Variants in CDH13 observed in about 807,000 individuals in gnomAD.
CDH13 encodes cadherin 13, also known as cadherin-13.
Under a neutral mutation model 63.8 loss-of-function variants are expected in CDH13, and 24 were observed. That is an observed-to-expected ratio of 0.38 (90% CI 0.27 to 0.53). CDH13 has a LOEUF of 0.53. CDH13 is among the 20% of genes least tolerant of loss of function. The pLI is 0.85. For synonymous variants in CDH13, 503 were observed against 355.3 expected (o/e 1.42, Z -4.67); for missense variants, 1,049 against 903.1 (o/e 1.16, Z -2.07).
At chr16:82,908,553 A>G (rs1226789452) in intron 2 of CDH13, among the ~76,000 whole-genome samples, 3 of 152,180 alleles carry the variant, frequency 2.0e-5, no homozygotes, top group Non-Finnish European at 4.4e-5. Flanking sequence ...ATACGAGTAC[A>G]TTCTCATTTT....
intron 4 of CDH13, among the ~76,000 whole-genome samples, chr16:83,216,424 A>T (rs74200780): frequency 1.1e-5 from 1 of 92,620 alleles, no homozygotes; most frequent in Non-Finnish European, 2.2e-5. Flanking sequence ...ATATATATAT[A>T]TATATATATA....
At chr16:82,683,068 T>G (rs147205870) in intron 1 of CDH13, among the ~76,000 whole-genome samples, 10 of 152,182 alleles carry the variant, frequency 6.6e-5, no homozygotes, top group Non-Finnish European at 1.3e-4. Context: ...AGCTTAGTGT[T>G]CTCAGCTTAA....
chr16:82,744,013 G>A (rs2034050727), intron 1 of CDH13, among the ~76,000 whole-genome samples: 1 of 152,140 alleles, frequency 6.6e-6, no homozygotes, highest in Non-Finnish European at 1.5e-5. Context: ...AGATGGATAA[G>A]GGATCCCATT....
At chr16:83,569,861 C>G (rs768157159) in intron 7 of CDH13, among the ~76,000 whole-genome samples, 1 of 152,096 alleles carries the variant, frequency 6.6e-6, no homozygotes, top group Non-Finnish European at 1.5e-5. Flanking sequence ...CTCAGCCTTC[C>G]GAGTAGCTGG....
intron 4 of CDH13, among the ~76,000 whole-genome samples, chr16:83,182,237 T>C (rs145212594): frequency 3.3e-4 from 50 of 152,274 alleles, no homozygotes; most frequent in African/African-American, 1.2e-3. Context: ...ATTGTCTCTT[T>C]CTCCTCATCT....
intron 2 of CDH13, among the ~76,000 whole-genome samples, chr16:82,867,582 C>T (rs1017857668): frequency 2.6e-5 from 4 of 152,128 alleles, no homozygotes; most frequent in Non-Finnish European, 5.9e-5. Context: ...GCCAGGTCCT[C>T]CATGGAGTGT....
intron 7 of CDH13, among the ~76,000 whole-genome samples, chr16:83,538,265 T>G (rs1190642241): frequency 6.6e-6 from 1 of 152,224 alleles, no homozygotes; most frequent in Non-Finnish European, 1.5e-5. Flanking sequence ...TGGGTATGTT[T>G]AGGTTATTTC....
chr16:83,127,649 C>T (rs1488427588), intron 4 of CDH13, among the ~76,000 whole-genome samples: 1 of 152,166 alleles, frequency 6.6e-6, no homozygotes, highest in Non-Finnish European at 1.5e-5. Context: ...ACCACTTGAA[C>T]CCAGGAGGTG....
Position 83,186,669 on chromosome 16 carries a change from G to T in CDH13, c.484-30676G>T, listed in dbSNP as rs1430914328. Among the ~76,000 whole-genome samples the T allele has an allele frequency of 2.6e-5, 4 of 152,264 alleles. No individual in the cohort carries two copies. In the South Asian group the frequency reaches 8.3e-4, roughly 32 times the overall value. On this transcript the variant is annotated intron_variant, in intron 4 of 13. Transcript: ENST00000567109. Reference sequence around the variant, plus strand: ...CAGGGTTGAGAACCACTGGGTTAAGGAGTTACAAAAAGTTAAATTTCTCAG... The same window carrying T: ...CAGGGTTGAGAACCACTGGGTTAAGTAGTTACAAAAAGTTAAATTTCTCAG...
chr16:83,122,589 C>T (rs1046354666), intron 3 of CDH13, among the ~76,000 whole-genome samples: 5 of 152,276 alleles, frequency 3.3e-5, no homozygotes, highest in East Asian at 1.9e-4. Flanking sequence ...TAATGCCTGA[C>T]ATAGTTTGGG....
intron 7 of CDH13, among the ~76,000 whole-genome samples, chr16:83,492,533 A>C (rs2074038440): frequency 6.6e-6 from 1 of 152,178 alleles, no homozygotes; most frequent in Admixed American, 6.5e-5. Context: ...ATTGAGATGG[A>C]AAAAGTAGAT....
chr16:83,458,248 G>A (rs2073077136), intron 6 of CDH13, among the ~76,000 whole-genome samples: 1 of 152,154 alleles, frequency 6.6e-6, no homozygotes, highest in African/African-American at 2.4e-5. Context: ...GGTTCTTTGG[G>A]CTGTTCCTTT....
chr16:83,084,700 C>T (rs1193447202), intron 3 of CDH13, among the ~76,000 whole-genome samples: 1 of 151,988 alleles, frequency 6.6e-6, no homozygotes, highest in African/African-American at 2.4e-5. Context: ...ACCGGCCTGG[C>T]CAACATGGTG....
intron 6 of CDH13, among the ~76,000 whole-genome samples, chr16:83,476,644 G>A (rs2073613076): frequency 6.6e-6 from 1 of 152,104 alleles, no homozygotes; most frequent in Non-Finnish European, 1.5e-5. Flanking sequence ...CTGCACTCCA[G>A]CCTGCACTCC....
chr16:83,386,128 G>A (rs548935797), intron 6 of CDH13, among the ~76,000 whole-genome samples: 13 of 152,290 alleles, frequency 8.5e-5, no homozygotes, highest in East Asian at 3.9e-4. Flanking sequence ...GAAACATGTC[G>A]CTGTTGAGGA....
At chr16:83,285,672 C>G (rs1455268525) in intron 5 of CDH13, among the ~76,000 whole-genome samples, 1 of 152,112 alleles carries the variant, frequency 6.6e-6, no homozygotes, top group South Asian at 2.1e-4. Context: ...CATGCCGATA[C>G]TTTGCCGCTT....
At chr16:83,193,702 G>A (rs1210872468) in intron 4 of CDH13, among the ~76,000 whole-genome samples, 2 of 152,086 alleles carry the variant, frequency 1.3e-5, no homozygotes, top group Admixed American at 1.3e-4. Flanking sequence ...TAAATCACTG[G>A]CTCCTTTTCT....
At chr16:82,890,098 C>T (rs927602215) in intron 2 of CDH13, among the ~76,000 whole-genome samples, 2 of 152,196 alleles carry the variant, frequency 1.3e-5, no homozygotes, top group African/African-American at 4.8e-5. Flanking sequence ...GTAAGTCTCC[C>T]AGCCTTCGTG....
chr16:83,505,704 C>T (rs988772564), intron 7 of CDH13, among the ~76,000 whole-genome samples: 2 of 151,786 alleles, frequency 1.3e-5, no homozygotes, highest in Non-Finnish European at 1.5e-5. Flanking sequence ...CCTCCACGCC[C>T]GGCTAATTTT....
Sources: gnomAD v4.1 joint callset for allele counts (sites outside exome capture counted in the v4.1 genomes callset) on GRCh38, gnomAD v4.1.1 for gene constraint, MANE v1.5 for transcripts, NCBI Gene and HGNC (gene_info 2026-07-23, HGNC 2026-07-21) for gene names.